Variants in GRM5 observed in about 807,000 individuals in gnomAD.
The protein encoded by GRM5 is glutamate metabotropic receptor 5.
A neutral mutation model predicts 83.1 loss-of-function variants in GRM5; 19 were observed. That is an observed-to-expected ratio of 0.23 (90% CI 0.16 to 0.34). The LOEUF (loss-of-function observed/expected upper bound fraction) is 0.34. Among genes scored for constraint, GRM5 ranks in the 10% least tolerant of loss-of-function variants. The pLI, the probability that GRM5 is intolerant of heterozygous loss-of-function variation, is 1.00. For missense variants in GRM5, 1,160 were observed against 1,588.3 expected (o/e 0.73, Z 4.58); for synonymous variants, 675 against 633.6 (o/e 1.07, Z -0.98).
intron 3 of GRM5, among the ~76,000 whole-genome samples, chr11:88,787,377 A>T (rs1031477467): frequency 3.9e-5 from 6 of 152,122 alleles, no homozygotes; most frequent in African/African-American, 1.4e-4. Flanking sequence ...GAGGATGTGG[A>T]AGACAGTGGA....
Position 88,912,709 on chromosome 11 carries a change from T to C in GRM5, c.662-62554A>G, listed in dbSNP as rs551339779. On this transcript the variant is annotated intron_variant, in intron 2 of 9. Coordinates refer to ENST00000305447, the MANE Select transcript of GRM5 (RefSeq NM_001143831.3). ...ATGTTCAATCTTTCTATAGTATCTC[T>C]TAAAGATTTTCCAGTAATAGAAACT... is the stretch of plus-strand genomic sequence containing the variant. 1.1e-4 allele frequency among the ~76,000 whole-genome samples: 16 copies of C among 152,316 alleles called. 1 individual carries two copies. The South Asian group carries it at 3.1e-3, about 30-fold the overall frequency.
intron 3 of GRM5, among the ~76,000 whole-genome samples, chr11:88,747,699 A>T (rs537115115): frequency 0.01 from 1,129 of 109,492 alleles, 6 homozygotes; most frequent in Middle Eastern, 0.021. Context: ...CTAACCGGCT[A>T]TCCAGGAAAA....
chr11:88,593,515 A>C (rs573735378), intron 6 of GRM5, among the ~76,000 whole-genome samples: 4 of 151,790 alleles, frequency 2.6e-5, no homozygotes, highest in African/African-American at 9.6e-5. Context: ...GCCTCTACTA[A>C]AAATACAAAA....
intron 4 of GRM5, among the ~76,000 whole-genome samples, chr11:88,645,266 A>G (rs961168227): frequency 2.6e-5 from 4 of 152,146 alleles, no homozygotes; most frequent in African/African-American, 9.7e-5. Context: ...CCCTTGTAGC[A>G]AAAAGAAGAC....
chr11:88,747,898 A>G (rs1942176872), intron 3 of GRM5, among the ~76,000 whole-genome samples: 1 of 152,124 alleles, frequency 6.6e-6, no homozygotes, highest in Admixed American at 6.6e-5. Flanking sequence ...ACTCATGGAG[A>G]GGAATATAAA....
chr11:88,725,155 C>T (rs909260467), intron 3 of GRM5, among the ~76,000 whole-genome samples: 1 of 152,168 alleles, frequency 6.6e-6, no homozygotes, highest in Non-Finnish European at 1.5e-5. Context: ...TTGCCACCAG[C>T]ACAGCAGTCT....
Position 88,874,788 on chromosome 11 carries a change from G to A in GRM5, c.662-24633C>T, listed in dbSNP as rs1487059977. The stretch of plus-strand genomic sequence containing the variant: ...ACAATAAAGCAAATATCACAGTAAA[G>A]TGAGTCACAAAATTTTTTGCTTTTC... On this transcript the variant is annotated intron_variant, in intron 2 of 9. Transcript: ENST00000305447. 7.2e-5 allele frequency among the ~76,000 whole-genome samples: 11 copies of A among 152,044 alleles called. No individual in the cohort carries two copies. In the East Asian group the frequency reaches 2.1e-3, roughly 30 times the overall value.
At chr11:89,010,517 C>T (rs1268205835) in intron 2 of GRM5, among the ~76,000 whole-genome samples, 1 of 151,964 alleles carries the variant, frequency 6.6e-6, no homozygotes. Context: ...GGGTCCTTAG[C>T]CTAGAATTCA....
intron 3 of GRM5, among the ~76,000 whole-genome samples, chr11:88,689,529 G>A (rs1459173339): frequency 6.6e-6 from 1 of 152,192 alleles, no homozygotes; most frequent in African/African-American, 2.4e-5. Context: ...GTTTTGGTGT[G>A]AAGAACTTGT....
At chr11:88,775,979 A>T (rs1382493346) in intron 3 of GRM5, among the ~76,000 whole-genome samples, 3 of 152,186 alleles carry the variant, frequency 2.0e-5, no homozygotes, top group Non-Finnish European at 4.4e-5. Context: ...AGCTGAGTTC[A>T]GGTCCTGGAT....
intron 6 of GRM5, among the ~76,000 whole-genome samples, chr11:88,594,636 A>G (rs1289685706): frequency 6.6e-6 from 1 of 152,198 alleles, no homozygotes; most frequent in Non-Finnish European, 1.5e-5. Context: ...ACATTAATTA[A>G]TTTATTTTTA....
At chr11:88,525,808 C>T (rs138810264) in intron 8 of GRM5, among the ~76,000 whole-genome samples, 2 of 152,326 alleles carry the variant, frequency 1.3e-5, no homozygotes, top group Non-Finnish European at 2.9e-5. Flanking sequence ...ATCCAGGCAA[C>T]AGCCCTGGGC....
chr11:88,567,388 T>C lies in GRM5; in HGVS notation c.2295A>G (p.Pro765=). Residue 765 remains proline (P), a synonymous_variant, in exon 8 of 10, where the codon CCA becomes CCG. Transcript: ENST00000305447. This position sits in a 1 kb window ranked among gnomAD's most constrained non-coding sequence, Gnocchi z 7.3. ...TATACTTGGCCTCGTTGAAGTTAGC[T>C]GGAACATTTCTGGTCTTGAACGCAT... The part of the protein sequence containing the change: ...TFYAFKTRNV[P]ANFNEAKYIA... 3 of 1,614,118 alleles carry C rather than the reference T, an allele frequency of 1.9e-6. No individual in the cohort carries two copies. In the South Asian group the frequency reaches 3.3e-5, roughly 18 times the overall value.
In GRM5 at chr11:88,509,466, T is replaced by A. The variant is rs768930953; in HGVS notation, c.2765A>T (p.Lys922Met). Residue 922 changes from lysine (K) to methionine (M), a missense_variant, in exon 10 of 10, where the codon AAG becomes ATG. By Grantham distance (95) the Lys-to-Met change is moderately conservative (BLOSUM62 -1). This residue lies in a region of GRM5 where 562 missense variants were observed against 532.4 expected (regional missense o/e 1.06). Coordinates refer to ENST00000305447, the MANE Select transcript of GRM5 (RefSeq NM_001143831.3). Reference sequence around the variant, plus strand: ...CCACAGGTGCTGCCCCCGGCTGCTCTTCTCATTCTGGGCCCACGTGACGGA... The same window carrying A: ...CCACAGGTGCTGCCCCCGGCTGCTCATCTCATTCTGGGCCCACGTGACGGA... The part of the protein sequence containing the change: ...GKSVTWAQNE[K>M]SSRGQHLWQR... 5 of 1,612,476 alleles carry A rather than the reference T, an allele frequency of 3.1e-6. No homozygotes were observed. Among genetic ancestry groups the A allele is most frequent in the Non-Finnish European group, 4.2e-6 (5 of 1,179,736 alleles).
chr11:88,803,402 C>G (rs866431734), intron 3 of GRM5, among the ~76,000 whole-genome samples: 43 of 152,232 alleles, frequency 2.8e-4, no homozygotes, highest in African/African-American at 9.1e-4. Context: ...ACTATCTGAT[C>G]TTTGACAAAC....
chr11:88,998,690 A>T (rs1422041181), intron 2 of GRM5, among the ~76,000 whole-genome samples: 2 of 152,194 alleles, frequency 1.3e-5, no homozygotes, highest in Non-Finnish European at 2.9e-5. Context: ...AATCCCAAGG[A>T]ATCTACAAAA....
At chr11:88,890,299 G>A (rs1472556228) in intron 2 of GRM5, among the ~76,000 whole-genome samples, 1 of 152,062 alleles carries the variant, frequency 6.6e-6, no homozygotes, top group Admixed American at 6.6e-5. Flanking sequence ...CTTAATTTTA[G>A]GGATCTGCCT....
chr11:88,577,202 C>T (rs1194484545), intron 7 of GRM5, among the ~76,000 whole-genome samples: 1 of 152,044 alleles, frequency 6.6e-6, no homozygotes, highest in Non-Finnish European at 1.5e-5. Context: ...GCATATTCTG[C>T]CACAGATTTT....
At chr11:88,719,487 T>G (rs12419293) in intron 3 of GRM5, among the ~76,000 whole-genome samples, 1 of 152,084 alleles carries the variant, frequency 6.6e-6, no homozygotes, top group Non-Finnish European at 1.5e-5. Flanking sequence ...GTTGATTCCA[T>G]GTCTTTTCTA....
Sources: allele counts gnomAD v4.1 joint callset (sites outside exome capture counted in the v4.1 genomes callset), GRCh38; gene constraint gnomAD v4.1.1; regional missense constraint gnomAD v4.1.1; non-coding constraint Gnocchi (gnomAD v3.1); transcripts MANE v1.5; gene names NCBI Gene and HGNC (gene_info 2026-07-23, HGNC 2026-07-21).